The following KIAA1549 variants were observed in gnomAD, a reference collection of about 807,000 sequenced individuals.
KIAA1549 encodes KIAA1549.
In KIAA1549, 70 loss-of-function variants were observed where a neutral mutation model predicts 156.4. The observed-to-expected ratio is 0.45, with a 90% confidence interval of 0.37 to 0.55. The LOEUF is 0.55. Ranked by LOEUF, KIAA1549 falls within the 20% of genes least tolerant of loss-of-function variation. The pLI is 0.00. For missense variants in KIAA1549, 2,428 were observed against 2,540.9 expected (o/e 0.96, Z 0.96); for synonymous variants, 1,103 against 1,066.4 (o/e 1.03, Z -0.67).
intron 18 of KIAA1549, 140 bp downstream of exon 18, chr7:138,844,177 G>T (rs1044028496): frequency 2.1e-6 from 2 of 946,944 alleles, no homozygotes; most frequent in East Asian, 5.3e-5. Context: ...CTCCATCTCG[G>T]TCAGGATATG....
In KIAA1549 at chr7:138,833,658, T is replaced by TA. The variant is rs1809611325; in HGVS notation, c.*4247dup. On this transcript the variant is annotated 3_prime_UTR_variant, in exon 20 of 20. Transcript: ENST00000422774. Reference sequence around the variant, plus strand: ...TAAAGAAGCTGAATATATATATAGATAGATAGACAGATACATAGACAGACA... The same window carrying TA: ...TAAAGAAGCTGAATATATATATAGATAAGATAGACAGATACATAGACAGACA... 4.3e-6 allele frequency: 1 copy of TA among 232,162 alleles called. No individual in the cohort carries two copies. Among genetic ancestry groups the TA allele is most frequent in the Admixed American group, 5.6e-5 (1 of 17,706 alleles). The allele number at this position is 232,162 out of a possible 1,614,324, so 14.4% of individuals were successfully genotyped here. A position where few individuals can be genotyped will look rare whatever the true frequency, so the allele number is the denominator to read the frequency against.
intron 19 of KIAA1549, among the ~76,000 whole-genome samples, chr7:138,839,131 T>C (rs1809833467): frequency 6.6e-6 from 1 of 152,170 alleles, no homozygotes; most frequent in Admixed American, 6.5e-5. Flanking sequence ...AGTATAACAA[T>C]GTCTCTTTTA....
chr7:138,966,495 G>C (rs539763018), intron 1 of KIAA1549, among the ~76,000 whole-genome samples: 1 of 152,198 alleles, frequency 6.6e-6, no homozygotes, highest in South Asian at 2.1e-4. Context: ...AAGGAAGCCA[G>C]TCCGAGTCCC....
intron 1 of KIAA1549, among the ~76,000 whole-genome samples, chr7:138,930,991 A>C (rs1812853882): frequency 2.0e-5 from 3 of 152,190 alleles, no homozygotes; most frequent in Non-Finnish European, 4.4e-5. Flanking sequence ...AGGCCACTGC[A>C]GAGTTATAAA....
At chr7:138,863,644 A>G (rs1311569436) in intron 15 of KIAA1549, among the ~76,000 whole-genome samples, 1 of 152,154 alleles carries the variant, frequency 6.6e-6, no homozygotes, top group Non-Finnish European at 1.5e-5. Context: ...GCAGAGTCTG[A>G]AGCTCTGGCA....
intron 1 of KIAA1549, among the ~76,000 whole-genome samples, chr7:138,963,451 G>C (rs1813916118): frequency 6.6e-6 from 1 of 152,200 alleles, no homozygotes; most frequent in African/African-American, 2.4e-5. Context: ...AATTGGAAGA[G>C]GGAGTAGAGG....
intron 4 of KIAA1549, 51 bp downstream of exon 4, chr7:138,911,095 A>G: frequency 7.9e-7 from 1 of 1,272,966 alleles, no homozygotes; most frequent in Non-Finnish European, 1.1e-6. Flanking sequence ...AAGATAAAAA[A>G]AAAATGAAAT....
At chr7:138,845,681 G>A (rs917793046) in intron 17 of KIAA1549, among the ~76,000 whole-genome samples, 6 of 152,050 alleles carry the variant, frequency 3.9e-5, no homozygotes, top group South Asian at 2.1e-4. Context: ...TTGCAGTATC[G>A]AAAAATCCCA....
rs1812023399 is a variant in KIAA1549, at chr7:138,906,994, T to A, written c.3385A>T (p.Ser1129Cys). The change falls in exon 6 of 20, where the codon AGC (serine) becomes TGC (cysteine). Residue 1129 changes from serine (S) to cysteine (C), a missense_variant. By Grantham distance (112) the Ser-to-Cys change is moderately radical. Transcript: ENST00000422774. The part of the protein sequence containing the change: ...TQGFLNGSEV[S>C]ELLRNLSVVE... The stretch of plus-strand genomic sequence containing the variant: ...ACACTCAAGTTTCTGAGCAGCTCGC[T>A]CACTTCCGACCCATTCAAAAATCCC... The A allele has an allele frequency of 6.2e-7, 1 of 1,613,274 alleles. No individual in the cohort carries two copies. Among genetic ancestry groups the A allele is most frequent in the Admixed American group, 1.7e-5 (1 of 59,866 alleles).
In KIAA1549 at chr7:138,881,293, C is replaced by T. The variant is rs553197918; in HGVS notation, c.4229+95G>A. On this transcript the variant is annotated intron_variant, in intron 11 of 19. Coordinates refer to ENST00000422774, the MANE Select transcript of KIAA1549 (RefSeq NM_001164665.2). ...CTGCTGGGCTGCACATGCAGGGCTGCGCTCACCATCAGCCCCTGTGACATC... is the reference window on the plus strand; with the variant it reads ...CTGCTGGGCTGCACATGCAGGGCTGTGCTCACCATCAGCCCCTGTGACATC... The T allele has an allele frequency of 1.8e-4, 223 of 1,234,820 alleles. No individual in the cohort carries two copies. The African/African-American group carries it at 2.1e-3, about 12-fold the overall frequency. 76.5% of individuals were successfully genotyped at this position (1,234,820 alleles called of 1,614,324 possible).
At position 138,833,358 on chromosome 7, in the gene KIAA1549, A is replaced by ATGAC. The variant is rs769008573; in HGVS notation, c.*4544_*4547dup. 60 of 232,424 alleles carry ATGAC rather than the reference A, an allele frequency of 2.6e-4. No homozygotes were observed. Among genetic ancestry groups the ATGAC allele is most frequent in the Middle Eastern group, 1.2e-3 (1 of 808 alleles). The allele number at this position is 232,424 out of a possible 1,614,324, so 14.4% of individuals were successfully genotyped here. On this transcript the variant is annotated 3_prime_UTR_variant, in exon 20 of 20. Transcript: ENST00000422774. Reference sequence around the variant, plus strand: ...CAATGCACTGCAAATCAGTGTCCGAATGACTGGCTTGGTCACTGGAACACT... The same window carrying ATGAC: ...CAATGCACTGCAAATCAGTGTCCGAATGACTGACTGGCTTGGTCACTGGAACACT...
chr7:138,976,710 C>CT (rs1240544060), intron 1 of KIAA1549, among the ~76,000 whole-genome samples: 5 of 152,312 alleles, frequency 3.3e-5, no homozygotes, highest in African/African-American at 1.2e-4. Context: ...GACCACATCC[C>CT]TTGCAGATAA....
intron 16 of KIAA1549, among the ~76,000 whole-genome samples, chr7:138,857,379 T>C (rs1160420898): frequency 1.3e-5 from 2 of 152,246 alleles, no homozygotes; most frequent in East Asian, 3.8e-4. Flanking sequence ...CTGTTTTCTT[T>C]GGGTCTATTA....
chr7:138,925,314 T>C (rs908567767), intron 1 of KIAA1549, among the ~76,000 whole-genome samples: 7 of 152,104 alleles, frequency 4.6e-5, no homozygotes, highest in African/African-American at 1.4e-4. Context: ...TAGTCAATCA[T>C]GGAATCATGT....
chr7:138,858,515 T>C (rs1486997178), intron 16 of KIAA1549, among the ~76,000 whole-genome samples: 3 of 152,202 alleles, frequency 2.0e-5, no homozygotes, highest in African/African-American at 7.2e-5. Context: ...TGTGTTTCTA[T>C]ATTCTTGAGC....
intron 11 of KIAA1549, among the ~76,000 whole-genome samples, chr7:138,881,092 C>T (rs1811227368): frequency 6.6e-6 from 1 of 152,242 alleles, no homozygotes; most frequent in Admixed American, 6.5e-5. Flanking sequence ...AGGATATATA[C>T]ACATGAGCTG....
In KIAA1549 at chr7:138,836,268, GT is replaced by G. The variant is rs1342432971; in HGVS notation, c.*1637del. The G allele has an allele frequency of 4.9e-6, 1 of 203,056 alleles. No homozygotes were observed. Among genetic ancestry groups the G allele is most frequent in the Non-Finnish European group, 1.0e-5 (1 of 98,996 alleles). The allele number at this position is 203,056 out of a possible 1,614,324, so 12.6% of individuals were successfully genotyped here. A position where few individuals can be genotyped will look rare whatever the true frequency, so the allele number is the denominator to read the frequency against. On this transcript the variant is annotated 3_prime_UTR_variant, in exon 20 of 20. Transcript: ENST00000422774. The stretch of plus-strand genomic sequence containing the variant: ...TGTATTTTTACCATACCTTTTCTAT[GT>G]TTAGCTATGTTTAGATACACAAATA...
intron 1 of KIAA1549, among the ~76,000 whole-genome samples, chr7:138,924,189 T>C (rs956422944): frequency 4.1e-5 from 6 of 147,980 alleles, no homozygotes; most frequent in South Asian, 2.2e-4. Context: ...TTTCTTTTTT[T>C]TTTTTCTTTT....
chr7:138,880,355 C>T (rs776164890), intron 11 of KIAA1549, among the ~76,000 whole-genome samples: 3 of 152,188 alleles, frequency 2.0e-5, no homozygotes, highest in Non-Finnish European at 4.4e-5. Context: ...ATTTTACTTG[C>T]ATATTAAATA....
Sources: gnomAD v4.1 joint callset for allele counts (sites outside exome capture counted in the v4.1 genomes callset) on GRCh38, gnomAD v4.1.1 for gene constraint, MANE v1.5 for transcripts, NCBI Gene and HGNC (gene_info 2026-07-23, HGNC 2026-07-21) for gene names.